Variants in CD38 observed in about 807,000 individuals in gnomAD.
CD38 encodes the protein CD38 molecule.
In CD38, 31 loss-of-function variants were observed where a neutral mutation model predicts 36.3. That is an observed-to-expected ratio of 0.85 (90% confidence interval 0.64 to 1.15). CD38 has a LOEUF of 1.15. Among genes scored for constraint, CD38 ranks in the 50% most tolerant of loss-of-function variants. The pLI is 0.00. For missense variants in CD38, 380 were observed against 371.9 expected, an observed-to-expected ratio of 1.02 and a Z score of -0.18; for synonymous variants, 131 against 135.2, an observed-to-expected ratio of 0.97 and a Z score of 0.22.
intron 1 of CD38, among the ~76,000 whole-genome samples, chr4:15,787,022 G>A (rs961225017): frequency 1.4e-5 from 2 of 146,638 alleles, no homozygotes; most frequent in South Asian, 2.1e-4. Context: ...CTCGCCGGCC[G>A]CTCAGAGTGC....
At position 15,848,577 on chromosome 4, in the gene CD38, A is replaced by C. The variant is rs1239847318; in HGVS notation, c.878A>C (p.Asp293Ala). The C allele has an allele frequency of 1.2e-6, 2 of 1,613,840 alleles. No individual in the cohort carries two copies. Among genetic ancestry groups the C allele is most frequent in the Non-Finnish European group, 1.7e-6 (2 of 1,179,840 alleles). The change falls in exon 8 of 8, where the codon GAT becomes GCT. Residue 293 changes from aspartate to alanine, a missense_variant. By Grantham distance (126) the Asp-to-Ala change is moderately radical. Coordinates refer to ENST00000226279, the MANE Select transcript of CD38 (RefSeq NM_001775.4). Reference protein sequence around the residue: ...KFLQCVKNPEDSSCTSEI With the variant: ...KFLQCVKNPEASSCTSEI ...CTTCAGTGTGTGAAAAATCCTGAGG[A>C]TTCATCTTGCACATCTGAGATCTGA...
At chr4:15,829,431 C>T (rs972831171) in intron 3 of CD38, among the ~76,000 whole-genome samples, 1 of 151,888 alleles carries the variant, frequency 6.6e-6, no homozygotes, top group Non-Finnish European at 1.5e-5. Context: ...CTTCCCTGGG[C>T]CACATTGGAA....
At chr4:15,787,216 G>A (rs886821640) in intron 1 of CD38, among the ~76,000 whole-genome samples, 4 of 152,268 alleles carry the variant, frequency 2.6e-5, no homozygotes, top group African/African-American at 9.6e-5. Flanking sequence ...AGAGGCCGGG[G>A]GGCACTGAGA....
chr4:15,778,643 A>G lies in CD38; in HGVS notation c.229A>G (p.Met77Val), dbSNP rs1722613400. 2 of 1,608,726 alleles carry G rather than the reference A, an allele frequency of 1.2e-6. No homozygotes were observed. Among genetic ancestry groups the G allele is most frequent in the African/African-American group, 2.7e-5 (2 of 74,840 alleles). The change falls in exon 1 of 8, where the codon ATG becomes GTG. Residue 77 changes from methionine to valine, a missense_variant. Met to Val is a conservative substitution (Grantham distance 21). Coordinates refer to ENST00000226279, the MANE Select transcript of CD38 (RefSeq NM_001775.4). This position sits in a 1 kb window ranked among gnomAD's most constrained non-coding sequence, Gnocchi z 4.9. ...CAAGTACACTGAAATTCATCCTGAGATGAGGTGGGTTGGCGACTAAGGCGC... is the reference window on the plus strand; with the variant it reads ...CAAGTACACTGAAATTCATCCTGAGGTGAGGTGGGTTGGCGACTAAGGCGC... Reference protein sequence around the residue: ...CVKYTEIHPEMRHVDCQSVWD... With the variant: ...CVKYTEIHPEVRHVDCQSVWD...
chr4:15,804,294 C>A (rs534364256), intron 1 of CD38, among the ~76,000 whole-genome samples: 1 of 152,038 alleles, frequency 6.6e-6, no homozygotes, highest in African/African-American at 2.4e-5. Flanking sequence ...AGTGTATAAG[C>A]GACAAAGAAA....
rs1724321988 is a variant in CD38 at position 15,848,743 on chromosome 4, T to A, written c.*141T>A. On this transcript the variant is annotated 3_prime_UTR_variant, in exon 8 of 8. Transcript: ENST00000226279. Reference sequence around the variant, plus strand: ...GTCAATGCCAGAGACGGAAGCCTTTTTCCCCAAAGTCTTAAAATAACTTAT... The same window carrying A: ...GTCAATGCCAGAGACGGAAGCCTTTATCCCCAAAGTCTTAAAATAACTTAT... The A allele has an allele frequency of 1.7e-6, 1 of 574,534 alleles. No individual in the cohort carries two copies. The highest frequency in any genetic ancestry group is 3.1e-6 in the Non-Finnish European group (1 of 318,730). 35.6% of individuals were successfully genotyped at this position (574,534 alleles called of 1,614,324 possible).
intron 2 of CD38, among the ~76,000 whole-genome samples, chr4:15,821,821 C>A (rs190328718): frequency 5.3e-5 from 8 of 151,670 alleles, no homozygotes; most frequent in Non-Finnish European, 1.0e-4. Context: ...GGACTCCTCC[C>A]TAACTCATTT....
chr4:15,816,485 GTTTT>G, intron 1 of CD38, 22 bp from the exon 2 acceptor site: 1 of 1,548,918 alleles, frequency 6.5e-7, no homozygotes, highest in East Asian at 2.3e-5. Flanking sequence ...AATAATTTAT[GTTTT>G]ATTTTCTGTG....
chr4:15,812,553 A>T (rs994674624), intron 1 of CD38, among the ~76,000 whole-genome samples: 1 of 152,092 alleles, frequency 6.6e-6, no homozygotes, highest in Non-Finnish European at 1.5e-5. Flanking sequence ...AATAATAAAA[A>T]ACTGGGCATG....
chr4:15,840,585 T>C (rs950706493), intron 7 of CD38, 47 bp downstream of exon 7: 1 of 1,131,214 alleles, frequency 8.8e-7, no homozygotes, highest in Non-Finnish European at 1.3e-6. Flanking sequence ...TTGTCACCTG[T>C]AGAATTTCCT....
chr4:15,778,867 G>GT lies in CD38; in HGVS notation c.233+220_233+221insT, dbSNP rs1048565214. On this transcript the variant is annotated intron_variant, in intron 1 of 7. Transcript: ENST00000226279. The surrounding 1 kb of genome is among the most constrained non-coding windows in gnomAD (Gnocchi z 4.9). The stretch of plus-strand genomic sequence containing the variant: ...CCGAGCGTGCCCGCGGGAGGCGGGG[G>GT]GGGGCGCTGCTCGGTGGCTCTGCTG... Among the ~76,000 whole-genome samples, 24 of 152,056 alleles carry GT rather than the reference G, an allele frequency of 1.6e-4. 1 individual carries two copies. The highest frequency in any genetic ancestry group is 3.1e-4 in the African/African-American group (13 of 41,434).
At position 15,790,480 on chromosome 4, in the gene CD38, C is replaced by T. The variant is rs531219921; in HGVS notation, c.233+11833C>T. 1.7e-4 allele frequency among the ~76,000 whole-genome samples: 26 copies of T among 152,142 alleles called. No homozygotes were observed. The East Asian group carries it at 5.1e-3, about 30-fold the overall frequency. On this transcript the variant is annotated intron_variant, in intron 1 of 7. Coordinates refer to ENST00000226279, the MANE Select transcript of CD38 (RefSeq NM_001775.4). ...GACGGAGTCTCGTTCACTCGGTGCT[C>T]GGTGGTGCCCAGGCTGGAGTGCAGT...
intron 1 of CD38, among the ~76,000 whole-genome samples, chr4:15,790,971 T>C: frequency 6.9e-6 from 1 of 145,158 alleles, no homozygotes; most frequent in East Asian, 2.1e-4. Flanking sequence ...GAGGAGCCCC[T>C]CCGTCCGGCG....
At chr4:15,782,999 A>G (rs1044533560) in intron 1 of CD38, among the ~76,000 whole-genome samples, 1 of 152,214 alleles carries the variant, frequency 6.6e-6, no homozygotes. Context: ...TGGCGTTACC[A>G]GGTTGGTTCT....
intron 4 of CD38, among the ~76,000 whole-genome samples, chr4:15,835,134 TCTAA>T: frequency 6.6e-6 from 1 of 152,252 alleles, no homozygotes; most frequent in East Asian, 1.9e-4. Flanking sequence ...ATTCCTCCTA[TCTAA>T]CTATAATTTT....
At chr4:15,830,569 T>C (rs1723940010) in intron 3 of CD38, among the ~76,000 whole-genome samples, 1 of 152,188 alleles carries the variant, frequency 6.6e-6, no homozygotes, top group Non-Finnish European at 1.5e-5. Context: ...GATTGTTTCC[T>C]TTGCTATGCA....
intron 1 of CD38, among the ~76,000 whole-genome samples, chr4:15,807,698 G>T (rs1560311910): frequency 6.6e-6 from 1 of 152,230 alleles, no homozygotes; most frequent in Non-Finnish European, 1.5e-5. Flanking sequence ...GGAACCAGAG[G>T]AAGGCAGATG....
chr4:15,794,423 G>C (rs1444996917), intron 1 of CD38, among the ~76,000 whole-genome samples: 1 of 152,138 alleles, frequency 6.6e-6, no homozygotes, highest in Non-Finnish European at 1.5e-5. Context: ...CCTGGAGAGA[G>C]GTCTGGGCTG....
Position 15,824,895 on chromosome 4 carries a change from C to A in CD38, c.378C>A (p.Ser126Arg). Residue 126 changes from serine to arginine, a missense_variant, in exon 3 of 8, where the codon AGC (serine) becomes AGA (arginine). Transcript: ENST00000226279. The stretch of plus-strand genomic sequence containing the variant: ...TTCTTCCTTAGATTCTTCTTTGGAG[C>A]AGAATAAAAGATCTGGCCCATCAGT... Reference protein sequence around the residue: ...TVPCNKILLWSRIKDLAHQFT... With the variant: ...TVPCNKILLWRRIKDLAHQFT... 1 of 1,612,472 alleles carries A rather than the reference C, an allele frequency of 6.2e-7. No individual in the cohort carries two copies. Among genetic ancestry groups the A allele is most frequent in the Non-Finnish European group, 8.5e-7 (1 of 1,178,848 alleles).
Sources: gnomAD v4.1 joint callset for allele counts (sites outside exome capture counted in the v4.1 genomes callset) on GRCh38, gnomAD v4.1.1 for gene constraint, Gnocchi (gnomAD v3.1) non-coding constraint, MANE v1.5 for transcripts, NCBI Gene and HGNC (gene_info 2026-07-23, HGNC 2026-07-21) for gene names.